Variants in PCDHGA8 observed in about 807,000 individuals in gnomAD.
PCDHGA8 encodes the protein protocadherin gamma subfamily A, 8, also known as protocadherin gamma-A8.
Under a neutral mutation model 59.2 loss-of-function variants are expected in PCDHGA8, and 45 were observed. The observed-to-expected ratio is 0.76, with a 90% CI of 0.60 to 0.98. The LOEUF is 0.98. PCDHGA8 is among the 50% of genes least tolerant of loss of function. PCDHGA8 has a pLI of 0.00. For missense variants in PCDHGA8, 1,257 were observed against 1,196.2 expected (o/e 1.05, Z -0.75); for synonymous variants, 531 against 519.0 (o/e 1.02, Z -0.32).
Position 141,414,386 on chromosome 5 carries a change from G to A in PCDHGA8, c.2424+19149G>A, listed in dbSNP as rs746637010. On this transcript the variant is annotated intron_variant, in intron 1 of 3. Transcript: ENST00000398604. ...TTTAAATTAGAAAAGTCCATTGACA[G>A]TTATTACAGATTGGTGATACACAGA... is the stretch of plus-strand genomic sequence containing the variant. The A allele has an allele frequency of 1.9e-6, 3 of 1,613,906 alleles. No homozygotes were observed. The Admixed American group carries it at 5.0e-5, about 27-fold the overall frequency.
chr5:141,405,433 T>A, intron 1 of PCDHGA8: 1 of 1,471,752 alleles, frequency 6.8e-7, no homozygotes, highest in Non-Finnish European at 9.3e-7. Flanking sequence ...TTTTGTTTTG[T>A]TTTTGAGACA....
chr5:141,478,826 G>A, intron 1 of PCDHGA8: 2 of 1,439,244 alleles, frequency 1.4e-6, no homozygotes, highest in Non-Finnish European at 1.8e-6. Context: ...AACCAATCTT[G>A]CTAAGGGATG....
At chr5:141,433,326 A>G in intron 1 of PCDHGA8, 1 of 726,596 alleles carries the variant, frequency 1.4e-6, no homozygotes. Context: ...CCGGTGTAAC[A>G]GGGACTACAG....
chr5:141,399,252 TG>T, intron 1 of PCDHGA8: 1 of 1,613,778 alleles, frequency 6.2e-7, no homozygotes, highest in Non-Finnish European at 8.5e-7. Context: ...CTGGGGAAAA[TG>T]GGGAGGTTAA....
chr5:141,421,888 C>T (rs1387624358), intron 1 of PCDHGA8: 5 of 1,613,746 alleles, frequency 3.1e-6, no homozygotes. Flanking sequence ...TGGAGGCGAT[C>T]CCATCCGAAA....
At chr5:141,428,226 C>A (rs2154552641) in intron 1 of PCDHGA8, 1 of 1,137,180 alleles carries the variant, frequency 8.8e-7, no homozygotes, top group South Asian at 1.3e-5. Flanking sequence ...TCTTCGCAGA[C>A]AGCCTGCAGG....
rs767701229 is a variant in PCDHGA8, at chr5:141,405,417, T to TTTTTG, written c.2424+10195_2424+10199dup. 250 of 1,563,234 alleles carry TTTTTG rather than the reference T, an allele frequency of 1.6e-4. 1 individual carries two copies. Among genetic ancestry groups the TTTTTG allele is most frequent in the Admixed American group, 1.3e-4 (7 of 55,240 alleles). On this transcript the variant is annotated intron_variant, in intron 1 of 3. Coordinates refer to ENST00000398604, the MANE Select transcript of PCDHGA8 (RefSeq NM_032088.2). The stretch of plus-strand genomic sequence containing the variant: ...TTCTTTCTTTCTTTTCTTTTTTTGT[T>TTTTTG]TTTTGTTTTGTTTTGTTTTTGAGAC...
At chr5:141,396,682 C>T (rs1387269894) in intron 1 of PCDHGA8, 1 of 151,688 alleles carries the variant, frequency 6.6e-6, no homozygotes, top group Non-Finnish European at 1.5e-5. Context: ...TATTGTATTC[C>T]TGCATACCTT....
chr5:141,490,380 T>C lies in PCDHGA8; in HGVS notation c.2425-4427T>C, dbSNP rs1246254637. 1 of 1,614,204 alleles carries C rather than the reference T, an allele frequency of 6.2e-7. No individual in the cohort carries two copies. ...TTAATGTGCGAGACCGGGACTCAGGTAGAAATGGTGAAGTGAGCCTTGATA... is the reference window on the plus strand; with the variant it reads ...TTAATGTGCGAGACCGGGACTCAGGCAGAAATGGTGAAGTGAGCCTTGATA... On this transcript the variant is annotated intron_variant, in intron 1 of 3. Coordinates refer to ENST00000398604, the MANE Select transcript of PCDHGA8 (RefSeq NM_032088.2). This position sits in a 1 kb window ranked among gnomAD's most constrained non-coding sequence, Gnocchi z 5.4.
chr5:141,430,897 C>T, intron 1 of PCDHGA8: 1 of 1,605,442 alleles, frequency 6.2e-7, no homozygotes, highest in Non-Finnish European at 8.5e-7. Context: ...CTAGGGTGGG[C>T]GACATCTCCA....
chr5:141,473,299 G>T (rs182316672), intron 1 of PCDHGA8, among the ~76,000 whole-genome samples: 5 of 152,228 alleles, frequency 3.3e-5, no homozygotes, highest in Admixed American at 1.3e-4. Flanking sequence ...GTAGCATAAA[G>T]ATTGCTATAT....
chr5:141,422,922 C>T (rs1244444241), intron 1 of PCDHGA8: 1 of 1,614,130 alleles, frequency 6.2e-7, no homozygotes, highest in Non-Finnish European at 8.5e-7. Flanking sequence ...AGATCCTGTA[C>T]CCTGCCCTCC....
chr5:141,489,935 T>C lies in PCDHGA8; in HGVS notation c.2425-4872T>C. On this transcript the variant is annotated intron_variant, in intron 1 of 3. Coordinates refer to ENST00000398604, the MANE Select transcript of PCDHGA8 (RefSeq NM_032088.2). The surrounding 1 kb of genome is among the most constrained non-coding windows in gnomAD (Gnocchi z 4.5). ...GGGACCACCCTTATCTCTGTCATCG[T>C]GCTGGACATCAATGATAATGCTCCA... 1 of 1,614,216 alleles carries C rather than the reference T, an allele frequency of 6.2e-7. No individual in the cohort carries two copies.
chr5:141,503,598 CAAAAAAAAAA>C (rs765754054), intron 2 of PCDHGA8, among the ~76,000 whole-genome samples: 1 of 65,762 alleles, frequency 1.5e-5, no homozygotes. Context: ...GACTCCAGCT[CAAAAAAAAAA>C]AAAAAAGAAA....
At chr5:141,421,700 C>A (rs755518757) in intron 1 of PCDHGA8, 2 of 1,613,900 alleles carry the variant, frequency 1.2e-6, no homozygotes, top group Non-Finnish European at 1.7e-6. Flanking sequence ...CTTCCTAATG[C>A]TAGGGATCCA....
chr5:141,421,831 G>C lies in PCDHGA8; in HGVS notation c.2424+26594G>C, dbSNP rs201283981. ...AGAGCTAGTACTGGAGGGAAGCCTG[G>C]ACCGAGAGAAAGAGGCTGCTCACCT... On this transcript the variant is annotated intron_variant, in intron 1 of 3. Transcript: ENST00000398604. 68 of 1,613,784 alleles carry C rather than the reference G, an allele frequency of 4.2e-5. 1 individual carries two copies. The East Asian group carries it at 1.4e-3, about 33-fold the overall frequency.
At chr5:141,414,242 T>C (rs1412230684) in intron 1 of PCDHGA8, 1 of 1,613,538 alleles carries the variant, frequency 6.2e-7, no homozygotes, top group Admixed American at 1.7e-5. Flanking sequence ...ATCACGTCTC[T>C]ATTTAGTCCA....
intron 1 of PCDHGA8, among the ~76,000 whole-genome samples, chr5:141,461,764 C>T (rs1005862192): frequency 6.6e-6 from 1 of 152,118 alleles, no homozygotes; most frequent in East Asian, 1.9e-4. Context: ...AGCGATTCTC[C>T]TGCCTCAGCC....
In PCDHGA8 at chr5:141,486,077, C is replaced by T; in HGVS notation, c.2425-8730C>T. 6.2e-7 allele frequency: 1 copy of T among 1,614,186 alleles called. No individual in the cohort carries two copies. The highest frequency in any genetic ancestry group is 8.5e-7 in the Non-Finnish European group (1 of 1,180,024). ...TAGCCTGCACCCCACTACTGGAAAG[C>T]TTACTCTTTTGGGGCCCCTAGACTT... On this transcript the variant is annotated intron_variant, in intron 1 of 3. Coordinates refer to ENST00000398604, the MANE Select transcript of PCDHGA8 (RefSeq NM_032088.2). The surrounding 1 kb of genome is among the most constrained non-coding windows in gnomAD (Gnocchi z 5.0).
Sources: gnomAD v4.1 joint callset for allele counts (sites outside exome capture counted in the v4.1 genomes callset) on GRCh38, gnomAD v4.1.1 for gene constraint, Gnocchi (gnomAD v3.1) non-coding constraint, MANE v1.5 for transcripts, NCBI Gene and HGNC (gene_info 2026-07-23, HGNC 2026-07-21) for gene names.